The following ANKS1B variants were observed in gnomAD, a reference collection of about 807,000 sequenced individuals.
The protein encoded by ANKS1B is ankyrin repeat and sterile alpha motif domain-containing protein 1B.
In ANKS1B, 36 loss-of-function variants were observed where a neutral mutation model predicts 148.3. That is an observed-to-expected ratio of 0.24 (90% CI 0.19 to 0.32). The LOEUF is 0.32. Among genes scored for constraint, ANKS1B ranks in the 10% least tolerant of loss-of-function variants. ANKS1B has a pLI of 1.00. For missense variants in ANKS1B, 1,157 were observed against 1,542.6 expected (o/e 0.75, Z 4.19); for synonymous variants, 542 against 560.8 (o/e 0.97, Z 0.47).
intron 12 of ANKS1B, among the ~76,000 whole-genome samples, chr12:99,252,942 G>A (rs562109020): frequency 1.3e-5 from 2 of 152,276 alleles, no homozygotes; most frequent in Admixed American, 1.3e-4. Context: ...GGGCAGTAGG[G>A]GCCAGGTGCA....
chr12:99,837,542 T>C (rs1294821736), intron 1 of ANKS1B, among the ~76,000 whole-genome samples: 1 of 152,202 alleles, frequency 6.6e-6, no homozygotes, highest in Non-Finnish European at 1.5e-5. Context: ...TGCTTTGTAT[T>C]GATTACCTAA....
chr12:99,967,519 A>G (rs2153835716), intron 1 of ANKS1B, among the ~76,000 whole-genome samples: 1 of 152,268 alleles, frequency 6.6e-6, no homozygotes, highest in African/African-American at 2.4e-5. Flanking sequence ...CCTGGGCTCA[A>G]GCAATCCTCC....
chr12:99,111,546 TC>T (rs1375957542), intron 15 of ANKS1B, among the ~76,000 whole-genome samples: 2 of 152,052 alleles, frequency 1.3e-5, no homozygotes, highest in Non-Finnish European at 2.9e-5. Context: ...TTTTTTTTTT[TC>T]ATAGCCAATA....
intron 12 of ANKS1B, among the ~76,000 whole-genome samples, chr12:99,360,603 T>C (rs1270784241): frequency 6.6e-6 from 1 of 152,104 alleles, no homozygotes; most frequent in Non-Finnish European, 1.5e-5. Flanking sequence ...CTTTAAGAAG[T>C]GCTACATGCT....
chr12:99,058,887 G>A (rs1351284389), intron 16 of ANKS1B, among the ~76,000 whole-genome samples: 8 of 150,578 alleles, frequency 5.3e-5, no homozygotes, highest in South Asian at 2.1e-4. Flanking sequence ...ACAGGCGCCC[G>A]CTACCACGCC....
intron 1 of ANKS1B, among the ~76,000 whole-genome samples, chr12:99,933,205 G>A (rs929539955): frequency 6.6e-6 from 1 of 152,122 alleles, no homozygotes; most frequent in East Asian, 1.9e-4. Context: ...GATTCCTCCG[G>A]TTTTGTTCAT....
chr12:99,691,812 T>C (rs1186628758), intron 8 of ANKS1B, among the ~76,000 whole-genome samples: 1 of 152,154 alleles, frequency 6.6e-6, no homozygotes, highest in Non-Finnish European at 1.5e-5. Flanking sequence ...TCAGTACCAA[T>C]TTAGGACCCA....
At chr12:99,495,910 A>T (rs1056881558) in intron 10 of ANKS1B, among the ~76,000 whole-genome samples, 26 of 152,302 alleles carry the variant, frequency 1.7e-4, no homozygotes, top group African/African-American at 5.8e-4. Context: ...TCACACTCCT[A>T]CCTATTTCAG....
At chr12:99,475,406 A>G (rs1258079286) in intron 10 of ANKS1B, among the ~76,000 whole-genome samples, 1 of 151,834 alleles carries the variant, frequency 6.6e-6, no homozygotes, top group Non-Finnish European at 1.5e-5. Context: ...GAAATGGGAA[A>G]AAAAATTCTT....
intron 14 of ANKS1B, among the ~76,000 whole-genome samples, chr12:99,206,945 T>G (rs1224757613): frequency 6.6e-6 from 1 of 152,190 alleles, no homozygotes; most frequent in Non-Finnish European, 1.5e-5. Flanking sequence ...TTGATGAGTT[T>G]GTCTTAACTG....
intron 9 of ANKS1B, among the ~76,000 whole-genome samples, chr12:99,520,522 A>G (rs2096864828): frequency 6.6e-6 from 1 of 151,864 alleles, no homozygotes; most frequent in African/African-American, 2.4e-5. Context: ...GACCTTTGGG[A>G]CTTTGATTAT....
At chr12:99,039,486 T>G (rs149391162) in intron 17 of ANKS1B, among the ~76,000 whole-genome samples, 114 of 152,370 alleles carry the variant, frequency 7.5e-4, no homozygotes, top group African/African-American at 2.6e-3. Context: ...GTTTGGTGTC[T>G]GGTGGAGAGG....
chr12:98,846,810 G>C (rs1207068057), intron 17 of ANKS1B, among the ~76,000 whole-genome samples: 1 of 152,122 alleles, frequency 6.6e-6, no homozygotes, highest in Non-Finnish European at 1.5e-5. Context: ...AATAGCAAAA[G>C]AACAATTAAC....
Position 98,801,159 on chromosome 12 carries a change from G to A in ANKS1B, c.3142-34C>T, listed in dbSNP as rs756555426. 12 of 1,606,856 alleles carry A rather than the reference G, an allele frequency of 7.5e-6. No individual in the cohort carries two copies. The East Asian group carries it at 1.3e-4, about 18-fold the overall frequency. ...GACATTTATTCTAGAGGCAATATGA[G>A]CAGTCAGCAAAGTTCATTCCCTGTA... On this transcript the variant is annotated intron_variant, in intron 20 of 26. Coordinates refer to ENST00000683438, the MANE Select transcript of ANKS1B (RefSeq NM_001352186.2). This position sits in a 1 kb window ranked among gnomAD's most constrained non-coding sequence, Gnocchi z 5.2.
chr12:99,621,633 A>G (rs1454447577), intron 9 of ANKS1B, among the ~76,000 whole-genome samples: 1 of 152,058 alleles, frequency 6.6e-6, no homozygotes, highest in Non-Finnish European at 1.5e-5. Flanking sequence ...AAGACTTTAA[A>G]CCAACAACAG....
At chr12:98,863,728 A>G (rs2099610996) in intron 17 of ANKS1B, among the ~76,000 whole-genome samples, 1 of 152,224 alleles carries the variant, frequency 6.6e-6, no homozygotes, top group African/African-American at 2.4e-5. Flanking sequence ...CTGGAACAGA[A>G]GTAAACTTGT....
intron 9 of ANKS1B, among the ~76,000 whole-genome samples, chr12:99,531,813 C>A (rs994840631): frequency 3.3e-5 from 5 of 152,162 alleles, no homozygotes; most frequent in African/African-American, 9.7e-5. Flanking sequence ...AATTCACATT[C>A]CCACCAACAG....
chr12:99,364,783 C>A (rs112077655), intron 12 of ANKS1B, among the ~76,000 whole-genome samples: 1,605 of 152,268 alleles, frequency 0.011, 32 homozygotes, highest in African/African-American at 0.037. Context: ...AGATCAAAAC[C>A]ACTGCATTAC....
intron 8 of ANKS1B, among the ~76,000 whole-genome samples, chr12:99,746,481 T>C (rs938531598): frequency 2.6e-5 from 4 of 152,208 alleles, no homozygotes; most frequent in Non-Finnish European, 5.9e-5. Flanking sequence ...CCTCAAATAT[T>C]CTCATTTAGT....
Sources: gnomAD v4.1 joint callset for allele counts (sites outside exome capture counted in the v4.1 genomes callset) on GRCh38, gnomAD v4.1.1 for gene constraint, Gnocchi (gnomAD v3.1) non-coding constraint, MANE v1.5 for transcripts, NCBI Gene and HGNC (gene_info 2026-07-23, HGNC 2026-07-21) for gene names.